GNA12: variants seen among roughly 807,000 people sequenced by gnomAD.
GNA12 encodes the protein G protein subunit alpha 12.
GNA12 carries 9 observed loss-of-function variants against 26.0 expected under a neutral mutation model. The observed-to-expected ratio is 0.35, with a 90% CI of 0.21 to 0.60. GNA12 has a LOEUF of 0.60. Ranked by LOEUF, GNA12 falls within the 20% of genes least tolerant of loss-of-function variation. GNA12 has a pLI of 0.78. For missense variants in GNA12, 405 were observed against 525.8 expected (o/e 0.77, Z 2.25); for synonymous variants, 264 against 219.6 (o/e 1.20, Z -1.79).
At chr7:2,816,070 C>T (rs745681829) in intron 1 of GNA12, among the ~76,000 whole-genome samples, 11 of 152,180 alleles carry the variant, frequency 7.2e-5, no homozygotes, top group African/African-American at 9.6e-5. Flanking sequence ...GGCGTGGACA[C>T]GGACACACAG....
intron 2 of GNA12, among the ~76,000 whole-genome samples, chr7:2,793,175 AT>A (rs1792563189): frequency 6.6e-6 from 1 of 152,220 alleles, no homozygotes; most frequent in Non-Finnish European, 1.5e-5. Context: ...TGTCAAGGTC[AT>A]GAAAGGCAAG....
intron 2 of GNA12, among the ~76,000 whole-genome samples, chr7:2,789,996 G>A (rs1792476928): frequency 1.3e-5 from 2 of 152,208 alleles, no homozygotes; most frequent in Non-Finnish European, 2.9e-5. Context: ...TTGCATCCAC[G>A]TGCATGCATA....
chr7:2,734,577 G>A (rs1790064567), intron 2 of GNA12, among the ~76,000 whole-genome samples: 1 of 152,240 alleles, frequency 6.6e-6, no homozygotes, highest in South Asian at 2.1e-4. Context: ...AAGGGATGGA[G>A]AAAGGCGGCC....
intron 1 of GNA12, among the ~76,000 whole-genome samples, chr7:2,836,500 C>G (rs1056861772): frequency 1.3e-5 from 2 of 152,182 alleles, no homozygotes; most frequent in Non-Finnish European, 2.9e-5. Context: ...GCTGCAGAAG[C>G]CTCCAAGCTG....
chr7:2,734,587 C>T (rs1357772833), intron 2 of GNA12, among the ~76,000 whole-genome samples: 1 of 152,220 alleles, frequency 6.6e-6, no homozygotes, highest in African/African-American at 2.4e-5. Flanking sequence ...GAAAGGCGGC[C>T]AGCACCTGCT....
At chr7:2,793,801 T>G (rs1261453494) in intron 2 of GNA12, among the ~76,000 whole-genome samples, 1 of 148,496 alleles carries the variant, frequency 6.7e-6, no homozygotes, top group African/African-American at 2.5e-5. Context: ...GAGAATCACT[T>G]GAATCCAGAG....
At chr7:2,835,435 T>C (rs1418736475) in intron 1 of GNA12, among the ~76,000 whole-genome samples, 1 of 152,230 alleles carries the variant, frequency 6.6e-6, no homozygotes, top group Non-Finnish European at 1.5e-5. Context: ...TTAACTGGCA[T>C]GTACCAAGTC....
intron 2 of GNA12, among the ~76,000 whole-genome samples, chr7:2,781,274 G>A (rs1562424760): frequency 2.0e-5 from 3 of 152,038 alleles, no homozygotes; most frequent in Admixed American, 6.6e-5. Flanking sequence ...AGTTCTTTAA[G>A]AAATTCTCTC....
chr7:2,814,915 A>G (rs1416570504), intron 1 of GNA12: 5 of 1,597,878 alleles, frequency 3.1e-6, no homozygotes, highest in Non-Finnish European at 4.3e-6. Flanking sequence ...GGCCTGGGAA[A>G]CATTCTCCGT....
intron 1 of GNA12, among the ~76,000 whole-genome samples, chr7:2,834,788 T>C (rs937901708): frequency 2.0e-5 from 3 of 152,208 alleles, no homozygotes; most frequent in Non-Finnish European, 2.9e-5. Context: ...GTATTCAGTA[T>C]AGTAACATGC....
chr7:2,843,827 G>T lies in GNA12; in HGVS notation c.309+26C>A, dbSNP rs934685916. On this transcript the variant is annotated intron_variant, in intron 1 of 3. Coordinates refer to ENST00000275364, the MANE Select transcript of GNA12 (RefSeq NM_007353.3). ...TAGCGCCCCGGCCCACCTGGGTGCA[G>T]GTGCTGGGCGGGGGGCGCGCGTCAC... 9.5e-6 allele frequency: 13 copies of T among 1,370,004 alleles called. No homozygotes were observed. In the African/African-American group the frequency reaches 1.8e-4, roughly 19 times the overall value. 84.9% of individuals were successfully genotyped at this position (1,370,004 alleles called of 1,614,324 possible). A position where few individuals can be genotyped will look rare whatever the true frequency, so the allele number is the denominator to read the frequency against.
At chr7:2,786,470 T>C (rs1792364314) in intron 2 of GNA12, among the ~76,000 whole-genome samples, 1 of 152,062 alleles carries the variant, frequency 6.6e-6, no homozygotes, top group Non-Finnish European at 1.5e-5. Flanking sequence ...CCAATAAACA[T>C]ATGAAAAGAA....
chr7:2,743,365 T>C (rs997853991), intron 2 of GNA12, among the ~76,000 whole-genome samples: 1 of 152,140 alleles, frequency 6.6e-6, no homozygotes, highest in African/African-American at 2.4e-5. Flanking sequence ...ACCCAAGATA[T>C]AATTAAATTA....
intron 2 of GNA12, among the ~76,000 whole-genome samples, chr7:2,743,876 C>T (rs1056591603): frequency 2.6e-5 from 4 of 152,028 alleles, no homozygotes; most frequent in Non-Finnish European, 5.9e-5. Flanking sequence ...GATTACATCC[C>T]GCACCTGGCT....
At chr7:2,816,964 TTCTTGCCCACTTCCACC>T (rs1390287600) in intron 1 of GNA12, among the ~76,000 whole-genome samples, 2 of 152,302 alleles carry the variant, frequency 1.3e-5, no homozygotes, top group Non-Finnish European at 2.9e-5. Context: ...CCTGCTCTCA[TTCTTGCCCACTTCCACC>T]TCCTACCCCT....
intron 1 of GNA12, among the ~76,000 whole-genome samples, chr7:2,825,606 A>C (rs1793466088): frequency 2.0e-5 from 3 of 152,336 alleles, no homozygotes; most frequent in South Asian, 4.1e-4. Flanking sequence ...TACTGTGGTC[A>C]TTTCTGGCTG....
chr7:2,795,636 A>G (rs926804282), intron 1 of GNA12, among the ~76,000 whole-genome samples: 7 of 151,248 alleles, frequency 4.6e-5, no homozygotes, highest in African/African-American at 1.5e-4. Flanking sequence ...TCAAAAAAAA[A>G]AAAAGAAAAG....
intron 1 of GNA12, among the ~76,000 whole-genome samples, chr7:2,804,234 T>C (rs186838130): frequency 1.3e-3 from 195 of 152,342 alleles, no homozygotes; most frequent in Non-Finnish European, 2.1e-3. Context: ...AGGATCTGCA[T>C]TGTGAAATCA....
chr7:2,813,849 G>C (rs1308693622), intron 1 of GNA12, among the ~76,000 whole-genome samples: 2 of 152,154 alleles, frequency 1.3e-5, no homozygotes, highest in Non-Finnish European at 2.9e-5. Context: ...CACCGTTCCT[G>C]GGCGTGTCTG....
Sources: gnomAD v4.1 joint callset for allele counts (sites outside exome capture counted in the v4.1 genomes callset) on GRCh38, gnomAD v4.1.1 for gene constraint, MANE v1.5 for transcripts, NCBI Gene and HGNC (gene_info 2026-07-23, HGNC 2026-07-21) for gene names.